The following BICRAL variants were observed in gnomAD, a reference collection of about 807,000 sequenced individuals.
BICRAL encodes the protein BRD4-interacting chromatin-remodeling complex-associated protein-like.
A neutral mutation model predicts 91.8 loss-of-function variants in BICRAL; 8 were observed. The observed-to-expected ratio is 0.09, with a 90% CI of 0.05 to 0.16. BICRAL has a LOEUF of 0.16. Among genes scored for constraint, BICRAL ranks in the 10% least tolerant of loss-of-function variants. The pLI is 1.00. For missense variants in BICRAL, 1,038 were observed against 1,310.9 expected (o/e 0.79, Z 3.21); for synonymous variants, 445 against 491.1 (o/e 0.91, Z 1.24).
At chr6:42,779,698 T>C (rs1364834550), upstream of BICRAL, among the ~76,000 whole-genome samples, 1 of 152,218 alleles carries the variant, frequency 6.6e-6, no homozygotes, top group East Asian at 1.9e-4. Flanking sequence ...AGACAGAGTC[T>C]TGCTCTGTTG....
chr6:42,845,235 T>G (rs1387394549), intron 6 of BICRAL, among the ~76,000 whole-genome samples: 10 of 89,590 alleles, frequency 1.1e-4, no homozygotes, highest in African/African-American at 3.8e-4. Flanking sequence ...TTTTTTTTTT[T>G]TTTTTTTTTT....
At chr6:42,748,523 AC>A (rs1196401798) in intron 1 of BICRAL, among the ~76,000 whole-genome samples, 1 of 152,228 alleles carries the variant, frequency 6.6e-6, no homozygotes, top group Non-Finnish European at 1.5e-5. Flanking sequence ...GGTTTTTGCT[AC>A]AATCCAGTAG....
chr6:42,823,345 C>A (rs914072463), intron 5 of BICRAL, among the ~76,000 whole-genome samples: 1 of 152,146 alleles, frequency 6.6e-6, no homozygotes, highest in East Asian at 1.9e-4. Context: ...TGGTCTTGAA[C>A]TCTCAGGCTC....
chr6:42,837,442 C>T (rs1007946295), intron 6 of BICRAL, among the ~76,000 whole-genome samples: 9 of 151,628 alleles, frequency 5.9e-5, no homozygotes, highest in African/African-American at 2.2e-4. Flanking sequence ...ATAGATAATA[C>T]ATTAACTTGG....
chr6:42,786,217 A>G (rs6938407), intron 1 of BICRAL, among the ~76,000 whole-genome samples: 7,298 of 152,258 alleles, frequency 0.048, 599 homozygotes, highest in African/African-American at 0.16. Flanking sequence ...ATTGCTAGGG[A>G]GAGTAGTTTA....
At chr6:42,773,118 G>A (rs1762759417) in intron 1 of BICRAL, among the ~76,000 whole-genome samples, 2 of 150,028 alleles carry the variant, frequency 1.3e-5, no homozygotes, top group African/African-American at 2.5e-5. Context: ...TTGCTCTGTC[G>A]CCCGGGCTGG....
At chr6:42,779,343 A>G (rs1307680479), upstream of BICRAL, among the ~76,000 whole-genome samples, 3 of 152,028 alleles carry the variant, frequency 2.0e-5, no homozygotes, top group African/African-American at 7.2e-5. Flanking sequence ...TGCATAATAT[A>G]TGGACTCTTG....
At chr6:42,850,349 G>A (rs1356886551) in intron 6 of BICRAL, among the ~76,000 whole-genome samples, 4 of 151,874 alleles carry the variant, frequency 2.6e-5, no homozygotes, top group South Asian at 2.1e-4. Flanking sequence ...GTGAAACCCC[G>A]TCTCTACTAA....
intron 9 of BICRAL, among the ~76,000 whole-genome samples, chr6:42,856,366 CTTTTTTTT>C (rs556976712): frequency 1.5e-3 from 104 of 68,146 alleles, no homozygotes; most frequent in Non-Finnish European, 2.0e-3. Context: ...CTTTCTTTTC[CTTTTTTTT>C]TTTTTTTTTT....
At chr6:42,855,979 A>AT (rs1765339045) in intron 9 of BICRAL, 62 bp downstream of exon 9, 2 of 1,261,514 alleles carry the variant, frequency 1.6e-6, no homozygotes, top group Admixed American at 3.4e-5. Flanking sequence ...CTAGCCTTCA[A>AT]TAAATATACC....
intron 8 of BICRAL, among the ~76,000 whole-genome samples, chr6:42,854,178 T>G (rs1765276483): frequency 6.6e-6 from 1 of 152,142 alleles, no homozygotes; most frequent in South Asian, 2.1e-4. Flanking sequence ...TTGACCCAAC[T>G]TTGACACTTT....
At chr6:42,799,940 G>GC (rs577581989) in intron 1 of BICRAL, among the ~76,000 whole-genome samples, 72 of 152,076 alleles carry the variant, frequency 4.7e-4, no homozygotes, top group African/African-American at 1.7e-3. Flanking sequence ...GAGTGCAGTG[G>GC]CCCAATCTTG....
chr6:42,862,875 T>G (rs1765596802), intron 12 of BICRAL, among the ~76,000 whole-genome samples: 1 of 152,176 alleles, frequency 6.6e-6, no homozygotes, highest in Non-Finnish European at 1.5e-5. Flanking sequence ...TAGAATTTGG[T>G]GAACAAATTC....
chr6:42,821,889 C>A, intron 2 of BICRAL, 129 bp from the exon 3 acceptor site: 1 of 528,776 alleles, frequency 1.9e-6, no homozygotes. Context: ...TAATATTAAG[C>A]AGAGGAAAAC....
chr6:42,857,202 G>C lies in BICRAL; in HGVS notation c.2220G>C (p.Gln740His), dbSNP rs369809114. ...VQRLLSYHVC[Q>H]GSMPTEEDLR... ...GACTGCTCTCCTACCACGTGTGCCA[G>C]GGCTCCATGCCCACTGAAGAAGACT... The change falls in exon 10 of 13, where the codon CAG (glutamine) becomes CAC (histidine). Residue 740 changes from glutamine (Q) to histidine (H), a missense_variant. Physicochemically the swap from Gln to His is conservative, Grantham distance 24 (BLOSUM62 0). Coordinates refer to ENST00000314073, the MANE Select transcript of BICRAL (RefSeq NM_001393499.1). 1.9e-6 allele frequency: 3 copies of C among 1,613,676 alleles called. No individual in the cohort carries two copies. Among genetic ancestry groups the C allele is most frequent in the Admixed American group, 1.7e-5 (1 of 59,926 alleles).
chr6:42,816,458 G>T (rs1763998275), intron 2 of BICRAL, among the ~76,000 whole-genome samples: 1 of 151,892 alleles, frequency 6.6e-6, no homozygotes, highest in Non-Finnish European at 1.5e-5. Context: ...ATAGGGTTTG[G>T]TACTTTTGCC....
At chr6:42,748,104 CTTTTTT>C (rs35511368) in intron 1 of BICRAL, among the ~76,000 whole-genome samples, 14 of 124,582 alleles carry the variant, frequency 1.1e-4, no homozygotes, top group Non-Finnish European at 3.4e-5. Flanking sequence ...GTGCCTGGCC[CTTTTTT>C]TTTTTTTTTT....
chr6:42,811,623 GAA>G (rs34979167), intron 2 of BICRAL, among the ~76,000 whole-genome samples: 10 of 84,756 alleles, frequency 1.2e-4, no homozygotes, highest in East Asian at 3.4e-4. Flanking sequence ...CCATCTCAAA[GAA>G]AAAAAAAAAA....
upstream of BICRAL, chr6:42,781,958 A>C (rs944059249): frequency 1.4e-5 from 2 of 146,438 alleles, no homozygotes; most frequent in East Asian, 4.0e-4. Context: ...AGCGAGAGAG[A>C]GAGCGGAGCG....
Sources: gnomAD v4.1 joint callset for allele counts (sites outside exome capture counted in the v4.1 genomes callset) on GRCh38, gnomAD v4.1.1 for gene constraint, MANE v1.5 for transcripts, NCBI Gene and HGNC (gene_info 2026-07-23, HGNC 2026-07-21) for gene names.